UBR1: variants seen among roughly 807,000 people sequenced by gnomAD.
The protein encoded by UBR1 is E3 ubiquitin-protein ligase UBR1.
Under a neutral mutation model 242.1 loss-of-function variants are expected in UBR1, and 102 were observed. The ratio of observed to expected loss-of-function variants is 0.42; its 90% CI spans 0.36 to 0.50. The LOEUF (loss-of-function observed/expected upper bound fraction) is 0.50. Among genes scored for constraint, UBR1 ranks in the 20% least tolerant of loss-of-function variants. The pLI is 0.01. For missense variants in UBR1, 1,772 were observed against 2,101.8 expected (o/e 0.84, Z 3.07); for synonymous variants, 675 against 684.8 (o/e 0.99, Z 0.22).
rs371229558 is a variant in UBR1, at chr15:43,075,099, G to T, written c.418-10C>A. On this transcript the variant is annotated splice_polypyrimidine_tract_variant and intron_variant, in intron 3 of 46. Coordinates refer to ENST00000290650, the MANE Select transcript of UBR1 (RefSeq NM_174916.3). Reference sequence around the variant, plus strand: ...CAGTAGAAGTATGCATCTGATAAAGGAAAAATGAGTTTGTCTTGATTTCAA... The same window carrying T: ...CAGTAGAAGTATGCATCTGATAAAGTAAAAATGAGTTTGTCTTGATTTCAA... 3.8e-6 allele frequency: 6 copies of T among 1,592,782 alleles called. No homozygotes were observed. Among genetic ancestry groups the T allele is most frequent in the Non-Finnish European group, 5.2e-6 (6 of 1,160,788 alleles).
At chr15:43,027,702 T>C in intron 22 of UBR1, 74 bp downstream of exon 22, 1 of 1,407,878 alleles carries the variant, frequency 7.1e-7, no homozygotes, top group South Asian at 1.2e-5. Flanking sequence ...CTTCAGAGCT[T>C]CTACAAAGTA....
chr15:42,956,393 C>A (rs1287146759), intron 44 of UBR1, among the ~76,000 whole-genome samples: 1 of 152,186 alleles, frequency 6.6e-6, no homozygotes, highest in Non-Finnish European at 1.5e-5. Context: ...GATCTCGGCT[C>A]ACTGCAACTT....
chr15:43,094,887 T>G (rs557287003), intron 1 of UBR1, among the ~76,000 whole-genome samples: 2 of 152,320 alleles, frequency 1.3e-5, no homozygotes, highest in South Asian at 2.1e-4. Context: ...TCTTTCCTGT[T>G]GAGATAACGT....
At chr15:43,060,999 T>C (rs768157707) in intron 6 of UBR1, among the ~76,000 whole-genome samples, 4 of 150,564 alleles carry the variant, frequency 2.7e-5, no homozygotes, top group Non-Finnish European at 4.4e-5. Context: ...AAGAACAGAT[T>C]GGACAAGAAT....
intron 4 of UBR1, among the ~76,000 whole-genome samples, 176 bp downstream of exon 4, chr15:43,074,803 A>G (rs577594751): frequency 6.6e-6 from 1 of 152,312 alleles, no homozygotes; most frequent in East Asian, 1.9e-4. Flanking sequence ...TTCTCTCTTT[A>G]GAGACATTAT....
At chr15:42,986,011 A>AG (rs1170200586) in intron 35 of UBR1, among the ~76,000 whole-genome samples, 17 of 150,776 alleles carry the variant, frequency 1.1e-4, no homozygotes, top group South Asian at 2.1e-4. Flanking sequence ...AAAAAAAAAA[A>AG]AGAGAAAGAA....
intron 33 of UBR1, among the ~76,000 whole-genome samples, chr15:42,995,045 A>G (rs145061203): frequency 1.0e-3 from 156 of 152,324 alleles, no homozygotes; most frequent in African/African-American, 3.5e-3. Flanking sequence ...CTTCTAAGTA[A>G]ATTAGTGAAT....
chr15:42,948,422 T>G (rs79694045), intron 46 of UBR1, among the ~76,000 whole-genome samples: 36,697 of 151,986 alleles, frequency 0.24, 5,268 homozygotes, highest in African/African-American at 0.4. Context: ...AAAGCCAAAA[T>G]TGACAAATAG....
chr15:43,030,013 T>C lies in UBR1; in HGVS notation c.2310A>G (p.Arg770=). Residue 770 remains arginine (R), a synonymous_variant, in exon 21 of 47, where the codon AGA becomes AGG. Transcript: ENST00000290650. The stretch of plus-strand genomic sequence containing the variant: ...CAATGCAAAGCAAGTGAATGATTTC[T>C]CTCATTGTGACCTCTTCTTTGGTCA... The part of the protein sequence containing the change: ...GNVTKEEVTM[R]EIIHLLCIEP... 2 of 1,614,154 alleles carry C rather than the reference T, an allele frequency of 1.2e-6. No individual in the cohort carries two copies. Among genetic ancestry groups the C allele is most frequent in the South Asian group, 2.2e-5 (2 of 91,086 alleles).
intron 40 of UBR1, 68 bp from the exon 41 acceptor site, chr15:42,966,354 C>G: frequency 1.9e-6 from 3 of 1,580,792 alleles, no homozygotes; most frequent in South Asian, 1.1e-5. Context: ...TTAAACATAT[C>G]CCCCTTTTCA....
intron 3 of UBR1, among the ~76,000 whole-genome samples, chr15:43,078,393 A>G (rs2033932792): frequency 6.6e-6 from 1 of 152,184 alleles, no homozygotes; most frequent in Admixed American, 6.5e-5. Context: ...ACCACCACTA[A>G]TATCATCAAC....
chr15:43,067,724 T>A (rs551588968), intron 6 of UBR1, among the ~76,000 whole-genome samples, 174 bp downstream of exon 6: 1 of 152,278 alleles, frequency 6.6e-6, no homozygotes, highest in Non-Finnish European at 1.5e-5. Flanking sequence ...AAATAGTTAT[T>A]TAAAATTATG....
At chr15:43,097,722 T>G (rs2034178175) in intron 1 of UBR1, among the ~76,000 whole-genome samples, 1 of 152,232 alleles carries the variant, frequency 6.6e-6, no homozygotes, top group South Asian at 2.1e-4. Context: ...CTTCTGCAGC[T>G]TCCTCACTTC....
At chr15:43,026,284 T>G (rs1567129917) in intron 23 of UBR1, 3 of 319,076 alleles carry the variant, frequency 9.4e-6, no homozygotes, top group Non-Finnish European at 1.2e-5. Flanking sequence ...TAAAGAAACA[T>G]GACAATCAAA....
At chr15:43,001,748 C>CT (rs2032728631) in intron 32 of UBR1, among the ~76,000 whole-genome samples, 1 of 152,116 alleles carries the variant, frequency 6.6e-6, no homozygotes, top group African/African-American at 2.4e-5. Flanking sequence ...ACTCAAAATG[C>CT]TTAAAACACT....
At chr15:42,986,235 T>C (rs947206649) in intron 35 of UBR1, among the ~76,000 whole-genome samples, 19 of 152,200 alleles carry the variant, frequency 1.2e-4, no homozygotes, top group Non-Finnish European at 4.4e-5. Context: ...TATCTCTCCA[T>C]CTCCACAGGG....
intron 40 of UBR1, 93 bp downstream of exon 40, chr15:42,970,427 C>G (rs1442878325): frequency 7.5e-6 from 10 of 1,329,000 alleles, no homozygotes; most frequent in Non-Finnish European, 1.1e-5. Flanking sequence ...TTATTTTTAA[C>G]TGGAATTTAA....
chr15:42,973,473 T>C (rs1237911902), intron 39 of UBR1, among the ~76,000 whole-genome samples: 1 of 152,092 alleles, frequency 6.6e-6, no homozygotes. Context: ...TTTTGTACAT[T>C]TAGTACAGAC....
chr15:42,949,187 C>A (rs1219192335), intron 46 of UBR1, among the ~76,000 whole-genome samples: 1 of 148,904 alleles, frequency 6.7e-6, no homozygotes, highest in Admixed American at 6.8e-5. Context: ...GGACAAAAAA[C>A]CAAACACCAT....
Sources: allele counts gnomAD v4.1 joint callset (sites outside exome capture counted in the v4.1 genomes callset), GRCh38; gene constraint gnomAD v4.1.1; transcripts MANE v1.5; gene names NCBI Gene and HGNC (gene_info 2026-07-23, HGNC 2026-07-21).